Variants in GLIS3 observed in about 807,000 individuals in gnomAD.
The protein encoded by GLIS3 is zinc finger protein GLIS3.
A neutral mutation model predicts 78.6 loss-of-function variants in GLIS3; 53 were observed. The observed-to-expected ratio is 0.67, with a 90% CI of 0.54 to 0.85. The LOEUF (loss-of-function observed/expected upper bound fraction) is 0.85, where lower values mean the gene tolerates loss of function less well. Among genes scored for constraint, GLIS3 ranks in the 40% least tolerant of loss-of-function variants. The pLI is 0.00. For missense variants in GLIS3, 1,703 were observed against 1,231.1 expected (o/e 1.38, Z -5.74); for synonymous variants, 684 against 509.9 (o/e 1.34, Z -4.60).
intron 7 of GLIS3, chr9:3,898,471 A>G (rs929244796): frequency 3.3e-6 from 2 of 604,204 alleles, no homozygotes; most frequent in Middle Eastern, 3.8e-4. Context: ...TAACTAAAAG[A>G]GGTAATGCAT....
At chr9:3,984,595 A>C (rs190860075) in intron 4 of GLIS3, among the ~76,000 whole-genome samples, 5 of 152,252 alleles carry the variant, frequency 3.3e-5, no homozygotes, top group Non-Finnish European at 4.4e-5. Context: ...CTCAGATGAG[A>C]CTTTAGACTG....
At chr9:3,865,667 C>G (rs139641009) in intron 8 of GLIS3, among the ~76,000 whole-genome samples, 1 of 152,194 alleles carries the variant, frequency 6.6e-6, no homozygotes, top group Non-Finnish European at 1.5e-5. Context: ...ACTGTCATGA[C>G]TCACTTTCCT....
At chr9:4,415,494 G>T in the GLIS3 span, among the ~76,000 whole-genome samples, 31 of 152,186 alleles carry the variant, frequency 2.0e-4, no homozygotes, top group Admixed American at 1.3e-4. Context: ...GAGGCATTTT[G>T]TTTAGGGCAT....
intron 4 of GLIS3, among the ~76,000 whole-genome samples, chr9:3,986,055 G>T (rs953854474): frequency 6.6e-6 from 1 of 152,196 alleles, no homozygotes; most frequent in Non-Finnish European, 1.5e-5. Flanking sequence ...GAAGAAAAAG[G>T]AAGTCTTCTT....
rs145867412 is a variant in GLIS3, at chr9:3,898,724, G to A, written c.2095C>T (p.Arg699Cys). 1.2e-4 allele frequency: 192 copies of A among 1,614,144 alleles called. 1 individual carries two copies. In the African/African-American group the frequency reaches 2.1e-3, roughly 17 times the overall value. Reference sequence around the variant, plus strand: ...AGGTCAGGCCCGGGTCCAGGGGAGCGTCCCACGGTCCCTTCAGCAGCAGCA... The same window carrying A: ...AGGTCAGGCCCGGGTCCAGGGGAGCATCCCACGGTCCCTTCAGCAGCAGCA... ...RDAAAEGTVG[R>C]SPGPGPDLYS... is the part of the protein sequence containing the mutation. The change falls in exon 7 of 11, where the codon CGC (arginine) becomes TGC (cysteine). Residue 699 changes from arginine to cysteine, a missense_variant. Arg to Cys is a radical substitution (Grantham distance 180). Transcript: ENST00000381971.
chr9:3,841,094 G>T (rs558066096), intron 9 of GLIS3, among the ~76,000 whole-genome samples: 1 of 152,136 alleles, frequency 6.6e-6, no homozygotes, highest in Non-Finnish European at 1.5e-5. Context: ...AAGGCAGCAT[G>T]CTTAAAGCAC....
chr9:4,164,524 T>G (rs534397203), intron 2 of GLIS3, among the ~76,000 whole-genome samples: 3 of 152,334 alleles, frequency 2.0e-5, no homozygotes, highest in South Asian at 2.1e-4. Context: ...AACTCGACTG[T>G]GAAAGGGTCA....
At chr9:4,405,403 G>T in the GLIS3 span, among the ~76,000 whole-genome samples, 1 of 150,598 alleles carries the variant, frequency 6.6e-6, no homozygotes, top group East Asian at 1.9e-4. Flanking sequence ...AAGAAAGAAA[G>T]AAAAGAAAGA....
intron 9 of GLIS3, among the ~76,000 whole-genome samples, chr9:3,844,985 A>G (rs1818944236): frequency 6.6e-6 from 1 of 152,194 alleles, no homozygotes; most frequent in African/African-American, 2.4e-5. Flanking sequence ...GTCAATACCT[A>G]TCCAACTTTA....
the GLIS3 span, among the ~76,000 whole-genome samples, chr9:4,463,114 A>G: frequency 6.6e-6 from 1 of 152,222 alleles, no homozygotes; most frequent in Admixed American, 6.5e-5. Flanking sequence ...GATAGTTCTC[A>G]GGTTACCAAA....
At chr9:4,043,506 G>A (rs1825002533) in intron 4 of GLIS3, among the ~76,000 whole-genome samples, 1 of 152,196 alleles carries the variant, frequency 6.6e-6, no homozygotes, top group East Asian at 1.9e-4. Context: ...CAGTCTGTAG[G>A]AAGGGCTGGG....
intron 4 of GLIS3, among the ~76,000 whole-genome samples, chr9:4,012,238 G>C (rs1822074163): frequency 6.6e-6 from 1 of 152,102 alleles, no homozygotes; most frequent in Admixed American, 6.6e-5. Context: ...CTCTACAGCA[G>C]GCACCAAAAT....
At chr9:4,179,991 C>T (rs943002576) in intron 2 of GLIS3, among the ~76,000 whole-genome samples, 3 of 152,128 alleles carry the variant, frequency 2.0e-5, no homozygotes, top group African/African-American at 4.8e-5. Context: ...TGATATTTCT[C>T]CATGAGCCTG....
intron 4 of GLIS3, among the ~76,000 whole-genome samples, chr9:4,111,747 T>C (rs906972708): frequency 6.6e-6 from 1 of 152,248 alleles, no homozygotes; most frequent in African/African-American, 2.4e-5. Context: ...AGATTTGGTT[T>C]TATTTTTTAA....
At chr9:4,013,067 A>G (rs1822160255) in intron 4 of GLIS3, among the ~76,000 whole-genome samples, 1 of 151,876 alleles carries the variant, frequency 6.6e-6, no homozygotes, top group Non-Finnish European at 1.5e-5. Flanking sequence ...CTGGTTTCTT[A>G]TATGGAAATA....
chr9:4,261,931 A>C (rs1825570008), intron 2 of GLIS3, among the ~76,000 whole-genome samples: 1 of 152,228 alleles, frequency 6.6e-6, no homozygotes, highest in African/African-American at 2.4e-5. Flanking sequence ...CTGTCTCCAA[A>C]GAGGGCTCTC....
chr9:4,385,998 A>G, the GLIS3 span, among the ~76,000 whole-genome samples: 2 of 152,162 alleles, frequency 1.3e-5, no homozygotes, highest in African/African-American at 4.8e-5. Flanking sequence ...CCCTATTCCC[A>G]TCTATTTATG....
chr9:4,286,747 G>C (rs997544197), intron 1 of GLIS3, among the ~76,000 whole-genome samples: 1 of 152,230 alleles, frequency 6.6e-6, no homozygotes, highest in Non-Finnish European at 1.5e-5. Flanking sequence ...TGTTTTGTTT[G>C]CCACTGAGCC....
intron 2 of GLIS3, among the ~76,000 whole-genome samples, chr9:4,206,163 T>C (rs1819861747): frequency 6.6e-6 from 1 of 152,180 alleles, no homozygotes; most frequent in South Asian, 2.1e-4. Context: ...AGAAAATCTA[T>C]AACAGAACTA....
Sources: gnomAD v4.1 joint callset for allele counts (sites outside exome capture counted in the v4.1 genomes callset) on GRCh38, gnomAD v4.1.1 for gene constraint, MANE v1.5 for transcripts, NCBI Gene and HGNC (gene_info 2026-07-23, HGNC 2026-07-21) for gene names.